Variants in WDR27 observed in about 807,000 individuals in gnomAD.
The protein encoded by WDR27 is WD repeat-containing protein 27.
A neutral mutation model predicts 114.4 loss-of-function variants in WDR27; 100 were observed. That is an observed-to-expected ratio of 0.87 (90% CI 0.74 to 1.03). The LOEUF (loss-of-function observed/expected upper bound fraction) is 1.03, where lower values mean the gene tolerates loss of function less well. Among genes scored for constraint, WDR27 ranks in the 50% least tolerant of loss-of-function variants. The pLI, the probability that WDR27 is intolerant of heterozygous loss-of-function variation, is 0.00. For missense variants in WDR27, 1,129 were observed against 1,092.9 expected (o/e 1.03, Z -0.47); for synonymous variants, 449 against 423.1 (o/e 1.06, Z -0.75).
At chr6:169,631,702 G>A (rs561113589) in intron 21 of WDR27, among the ~76,000 whole-genome samples, 1 of 152,256 alleles carries the variant, frequency 6.6e-6, no homozygotes, top group South Asian at 2.1e-4. Flanking sequence ...CTCTCATGCT[G>A]CACCCGTTAA....
intron 25 of WDR27, among the ~76,000 whole-genome samples, chr6:169,490,974 A>T (rs1055963341): frequency 6.6e-6 from 1 of 152,168 alleles, no homozygotes; most frequent in African/African-American, 2.4e-5. Flanking sequence ...CCATCCGTAC[A>T]CCACTCATCA....
chr6:169,551,745 AAAAAAAAAAAG>A (rs1584153048), intron 25 of WDR27, among the ~76,000 whole-genome samples: 2 of 142,264 alleles, frequency 1.4e-5, no homozygotes, highest in Admixed American at 7.3e-5. Context: ...CTCAAAAAAA[AAAAAAAAAAAG>A]AAAAAGAAAA....
At chr6:169,556,176 T>C (rs907848245) in intron 25 of WDR27, among the ~76,000 whole-genome samples, 1 of 152,158 alleles carries the variant, frequency 6.6e-6, no homozygotes, top group Non-Finnish European at 1.5e-5. Context: ...GGTAGGAGCC[T>C]TGGGGGCCTC....
chr6:169,660,095 G>A (rs1825617607), intron 10 of WDR27, among the ~76,000 whole-genome samples: 1 of 150,264 alleles, frequency 6.7e-6, no homozygotes, highest in Admixed American at 6.7e-5. Flanking sequence ...ACGGAATCCA[G>A]CCTGCTTTTC....
intron 17 of WDR27, among the ~76,000 whole-genome samples, chr6:169,642,016 A>ATAACTCCTT (rs1562787214): frequency 1.3e-5 from 2 of 152,238 alleles, no homozygotes; most frequent in African/African-American, 4.8e-5. Flanking sequence ...GCAGAAACAC[A>ATAACTCCTT]TAACTCCTTT....
At chr6:169,444,908 A>G in the WDR27 span, among the ~76,000 whole-genome samples, 1 of 152,124 alleles carries the variant, frequency 6.6e-6, no homozygotes, top group South Asian at 2.1e-4. Flanking sequence ...TGCAGGAATC[A>G]AGCATGTTCT....
intron 23 of WDR27, among the ~76,000 whole-genome samples, chr6:169,592,680 G>A (rs968952726): frequency 9.2e-5 from 14 of 152,108 alleles, no homozygotes; most frequent in East Asian, 1.9e-4. Flanking sequence ...AAGTTGTCCT[G>A]TCTAATTTCA....
At chr6:169,443,884 G>A in the WDR27 span, among the ~76,000 whole-genome samples, 4 of 152,190 alleles carry the variant, frequency 2.6e-5, no homozygotes, top group Non-Finnish European at 5.9e-5. Context: ...ATTCAGGCCT[G>A]GGTTTCCAAC....
Position 169,665,471 on chromosome 6 carries a change from C to A in WDR27, c.783+15G>T, listed in dbSNP as rs369504958. 53 of 1,610,640 alleles carry A rather than the reference C, an allele frequency of 3.3e-5. No individual in the cohort carries two copies. The highest frequency in any genetic ancestry group is 4.1e-5 in the Non-Finnish European group (48 of 1,178,626). On this transcript the variant is annotated intron_variant, in intron 7 of 25. Transcript: ENST00000448612. The stretch of plus-strand genomic sequence containing the variant: ...CATGTCTGGGAACTGGAACTTAACT[C>A]TGTGGCTGTCTCACCTGGCCGTCAG...
At chr6:169,615,538 G>A in intron 21 of WDR27, among the ~76,000 whole-genome samples, 1 of 152,104 alleles carries the variant, frequency 6.6e-6, no homozygotes, top group East Asian at 1.9e-4. Flanking sequence ...ATGGGGAAAG[G>A]GCTCCCTATT....
Position 169,660,667 on chromosome 6 carries a change from G to A in WDR27, c.1125C>T (p.Tyr375=). 1 of 1,612,792 alleles carries A rather than the reference G, an allele frequency of 6.2e-7. No individual in the cohort carries two copies. Among genetic ancestry groups the A allele is most frequent in the African/African-American group, 1.3e-5 (1 of 75,024 alleles). ...CGTTGAAATCAAAGATCTTACCCTT[G>A]TAATACAAAGCAGCTTCCACTTCCA... ...ANLEVEAALY[Y]KDFQSLSILL... The change falls in exon 10 of 26, where the codon TAC becomes TAT. Residue 375 remains tyrosine (Y), a synonymous_variant. Transcript: ENST00000448612.
intron 25 of WDR27, among the ~76,000 whole-genome samples, chr6:169,516,307 T>C (rs1420345580): frequency 2.0e-5 from 3 of 152,142 alleles, no homozygotes; most frequent in Non-Finnish European, 2.9e-5. Context: ...TAAGGAGCCA[T>C]GAAAATAAGT....
At chr6:169,667,049 A>G (rs1828023058) in intron 6 of WDR27, 87 bp downstream of exon 6, 1 of 1,381,734 alleles carries the variant, frequency 7.2e-7, no homozygotes, top group African/African-American at 1.5e-5. Flanking sequence ...CGAATGTCCC[A>G]GCTCCATCTT....
At chr6:169,497,793 T>C (rs937614335) in intron 25 of WDR27, among the ~76,000 whole-genome samples, 13 of 152,142 alleles carry the variant, frequency 8.5e-5, no homozygotes, top group Non-Finnish European at 1.6e-4. Flanking sequence ...CCCTGTACAC[T>C]GTTGGTGGGA....
chr6:169,638,322 CAAAAAAAAAAA>C (rs60501000), intron 18 of WDR27, among the ~76,000 whole-genome samples: 17 of 11,062 alleles, frequency 1.5e-3, no homozygotes, highest in African/African-American at 3.4e-3. Flanking sequence ...GACTCCGTCT[CAAAAAAAAAAA>C]AAAAAAAAAA....
chr6:169,590,871 C>G (rs981990921), intron 23 of WDR27, among the ~76,000 whole-genome samples: 1 of 152,186 alleles, frequency 6.6e-6, no homozygotes, highest in Non-Finnish European at 1.5e-5. Context: ...CTCCATGTTC[C>G]TTATCCATTC....
At chr6:169,517,415 T>C (rs575127287) in intron 25 of WDR27, among the ~76,000 whole-genome samples, 16 of 152,276 alleles carry the variant, frequency 1.1e-4, no homozygotes, top group African/African-American at 3.6e-4. Flanking sequence ...GGGAACAGAG[T>C]GAAGCCAGCC....
In WDR27 at chr6:169,589,973, AT is replaced by A. The variant is rs560602261; in HGVS notation, c.2425-7040del. On this transcript the variant is annotated intron_variant, in intron 23 of 25. Coordinates refer to ENST00000448612, the MANE Select transcript of WDR27 (RefSeq NM_182552.5). ...CCAGAACCAAATCAAGGGAAGCAAT[AT>A]TTTTCAGGCAAAAGATGAGGATGTG... 3.8e-3 allele frequency among the ~76,000 whole-genome samples: 15 copies of A among 3,972 alleles called. No individual in the cohort carries two copies. The South Asian group carries it at 0.097, about 26-fold the overall frequency. The allele number at this position is 3,972 out of a possible 152,430, so 2.6% of individuals were successfully genotyped here. A position where few individuals can be genotyped will look rare whatever the true frequency, so the allele number is the denominator to read the frequency against.
At chr6:169,668,262 G>A in intron 4 of WDR27, 77 bp from the exon 5 acceptor site, 2 of 1,466,176 alleles carry the variant, frequency 1.4e-6, no homozygotes, top group South Asian at 2.4e-5. Context: ...GAAAAGTCAG[G>A]TGTCTGAGCT....
Sources: allele counts gnomAD v4.1 joint callset (sites outside exome capture counted in the v4.1 genomes callset), GRCh38; gene constraint gnomAD v4.1.1; transcripts MANE v1.5; gene names NCBI Gene and HGNC (gene_info 2026-07-23, HGNC 2026-07-21).